The following MGAT5 variants were observed in gnomAD, a reference collection of about 807,000 sequenced individuals.
MGAT5 encodes the protein alpha-1,6-mannosylglycoprotein 6-beta-N-acetylglucosaminyltransferase A.
Under a neutral mutation model 94.3 loss-of-function variants are expected in MGAT5, and 30 were observed. The ratio of observed to expected loss-of-function variants is 0.32; its 90% CI spans 0.24 to 0.43. The LOEUF (loss-of-function observed/expected upper bound fraction) is 0.43. Ranked by LOEUF, MGAT5 falls within the 20% of genes least tolerant of loss-of-function variation. The pLI is 1.00. For synonymous variants in MGAT5, 310 were observed against 322.9 expected (o/e 0.96, Z 0.43); for missense variants, 691 against 905.5 (o/e 0.76, Z 3.04).
intron 14 of MGAT5, among the ~76,000 whole-genome samples, chr2:134,429,307 C>T (rs1377822179): frequency 9.2e-5 from 14 of 152,182 alleles, no homozygotes; most frequent in Admixed American, 8.5e-4. Context: ...GAAACTGTGG[C>T]GAGCAGCCAG....
intron 2 of MGAT5, among the ~76,000 whole-genome samples, chr2:134,303,671 C>T (rs1034926086): frequency 2.0e-5 from 3 of 152,132 alleles, no homozygotes; most frequent in Non-Finnish European, 4.4e-5. Context: ...ATACTTTGAA[C>T]TTTTATTGGA....
At chr2:134,239,757 CT>C (rs1269467837) in intron 1 of MGAT5, among the ~76,000 whole-genome samples, 1 of 151,902 alleles carries the variant, frequency 6.6e-6, no homozygotes, top group Non-Finnish European at 1.5e-5. Flanking sequence ...CTATCTTGCT[CT>C]TTTTGTTTAT....
At chr2:134,239,361 G>T (rs1440966822) in intron 1 of MGAT5, among the ~76,000 whole-genome samples, 1 of 152,144 alleles carries the variant, frequency 6.6e-6, no homozygotes, top group Non-Finnish European at 1.5e-5. Flanking sequence ...ACTTTTTGGG[G>T]CTGTCACCTT....
intron 1 of MGAT5, among the ~76,000 whole-genome samples, chr2:134,218,364 A>C (rs928821442): frequency 2.0e-5 from 3 of 152,222 alleles, no homozygotes; most frequent in African/African-American, 7.2e-5. Flanking sequence ...CCCTGTCCCA[A>C]AACTTAATGG....
intron 4 of MGAT5, among the ~76,000 whole-genome samples, chr2:134,323,094 C>T (rs1035292903): frequency 5.9e-5 from 9 of 152,162 alleles, no homozygotes; most frequent in Admixed American, 3.3e-4. Context: ...CACCAGCTTC[C>T]GCTGAGTTAT....
chr2:134,288,338 G>T (rs1279931666), intron 2 of MGAT5, among the ~76,000 whole-genome samples: 1 of 152,204 alleles, frequency 6.6e-6, no homozygotes, highest in Non-Finnish European at 1.5e-5. Context: ...ATGACGGCCT[G>T]TGCGCCAAAA....
intron 12 of MGAT5, among the ~76,000 whole-genome samples, chr2:134,417,221 T>C (rs933486217): frequency 6.6e-6 from 1 of 152,172 alleles, no homozygotes; most frequent in Non-Finnish European, 1.5e-5. Context: ...AAAAATAATA[T>C]GGAGTTCAGG....
At chr2:134,368,607 A>G (rs1262967180) in intron 10 of MGAT5, among the ~76,000 whole-genome samples, 1 of 152,170 alleles carries the variant, frequency 6.6e-6, no homozygotes, top group East Asian at 1.9e-4. Context: ...TTTCTACTTC[A>G]TTCTCCATAC....
Position 134,435,935 on chromosome 2 carries a change from T to A in MGAT5, c.1870-5823T>A, listed in dbSNP as rs185710891. ...GGCACTTATGGGAGAGAAGAAGCTA[T>A]GACAGGGGCTTCCATTTCAGTTGTG... is the stretch of plus-strand genomic sequence containing the variant. On this transcript the variant is annotated intron_variant, in intron 14 of 15. Transcript: ENST00000281923. Among the ~76,000 whole-genome samples, 9 of 152,314 alleles carry A rather than the reference T, an allele frequency of 5.9e-5. No individual in the cohort carries two copies. In the East Asian group the frequency reaches 1.5e-3, roughly 26 times the overall value.
At chr2:134,445,422 G>A (rs1685716488) in intron 15 of MGAT5, among the ~76,000 whole-genome samples, 1 of 151,286 alleles carries the variant, frequency 6.6e-6, no homozygotes, top group African/African-American at 2.4e-5. Context: ...GGGGGCTAAG[G>A]GAGGGAAGGC....
At chr2:134,230,370 G>C (rs1165589158) in intron 1 of MGAT5, among the ~76,000 whole-genome samples, 2 of 152,188 alleles carry the variant, frequency 1.3e-5, no homozygotes, top group Admixed American at 6.5e-5. Flanking sequence ...CTGGTCCACT[G>C]CCTGGGGGTT....
chr2:134,434,163 G>T (rs13029444), intron 14 of MGAT5, among the ~76,000 whole-genome samples: 3 of 152,174 alleles, frequency 2.0e-5, no homozygotes, highest in Admixed American at 2.0e-4. Flanking sequence ...GCTACCTGGC[G>T]CTTCTCCCAG....
At chr2:134,373,393 C>T (rs550742483) in intron 10 of MGAT5, among the ~76,000 whole-genome samples, 3 of 152,260 alleles carry the variant, frequency 2.0e-5, no homozygotes, top group Admixed American at 6.5e-5. Context: ...GTTGACAGCG[C>T]GTTCTTGAAG....
At chr2:134,426,015 C>G (rs961836488) in intron 13 of MGAT5, among the ~76,000 whole-genome samples, 15 of 152,044 alleles carry the variant, frequency 9.9e-5, no homozygotes, top group African/African-American at 3.6e-4. Flanking sequence ...CATTCTGTCC[C>G]CCAAAGAGGC....
chr2:134,351,512 T>G (rs1679385147), intron 9 of MGAT5, among the ~76,000 whole-genome samples: 1 of 152,230 alleles, frequency 6.6e-6, no homozygotes, highest in Non-Finnish European at 1.5e-5. Flanking sequence ...AAGTTCTATT[T>G]TAGAATATTG....
chr2:134,428,196 C>T (rs192400727), intron 13 of MGAT5, among the ~76,000 whole-genome samples, 169 bp from the exon 14 acceptor site: 23 of 152,314 alleles, frequency 1.5e-4, no homozygotes, highest in African/African-American at 5.5e-4. Flanking sequence ...GCTCAGAGTC[C>T]CACACCTAGT....
At chr2:134,237,561 G>A (rs985824305) in intron 1 of MGAT5, among the ~76,000 whole-genome samples, 1 of 151,622 alleles carries the variant, frequency 6.6e-6, no homozygotes, top group Admixed American at 6.6e-5. Context: ...GAGTTTCCTG[G>A]ATGAAATGGG....
chr2:134,216,593 G>A (rs1262100495), intron 1 of MGAT5, among the ~76,000 whole-genome samples: 1 of 152,256 alleles, frequency 6.6e-6, no homozygotes, highest in African/African-American at 2.4e-5. Flanking sequence ...GGCACAGGAA[G>A]CATACTAAAG....
At chr2:134,337,781 CAGA>C (rs1688412815) in intron 5 of MGAT5, among the ~76,000 whole-genome samples, 1 of 152,024 alleles carries the variant, frequency 6.6e-6, no homozygotes, top group Non-Finnish European at 1.5e-5. Flanking sequence ...GGGACAAAAC[CAGA>C]AGATGAGCAT....
Sources: gnomAD v4.1 joint callset for allele counts (sites outside exome capture counted in the v4.1 genomes callset) on GRCh38, gnomAD v4.1.1 for gene constraint, MANE v1.5 for transcripts, NCBI Gene and HGNC (gene_info 2026-07-23, HGNC 2026-07-21) for gene names.